Variants in PNKD observed in about 807,000 individuals in gnomAD.
PNKD encodes the protein PNKD metallo-beta-lactamase domain containing.
In PNKD, 36 loss-of-function variants were observed where a neutral mutation model predicts 45.3. The observed-to-expected ratio is 0.80, with a 90% CI of 0.61 to 1.05. The LOEUF is 1.05. Among genes scored for constraint, PNKD ranks in the 50% least tolerant of loss-of-function variants. The pLI is 0.00. For missense variants in PNKD, 511 were observed against 506.6 expected (o/e 1.01, Z -0.08); for synonymous variants, 197 against 210.1 (o/e 0.94, Z 0.54).
intron 2 of PNKD, among the ~76,000 whole-genome samples, chr2:218,290,486 C>G (rs1692862829): frequency 6.6e-6 from 1 of 152,210 alleles, no homozygotes; most frequent in Non-Finnish European, 1.5e-5. Flanking sequence ...GACATGCCCT[C>G]TCACTCTCAG....
chr2:218,323,326 TCG>T, intron 2 of PNKD: 1 of 1,570,992 alleles, frequency 6.4e-7, no homozygotes, highest in South Asian at 1.2e-5. Flanking sequence ...TGGCTCCTCC[TCG>T]TCCTTGTCCT....
intron 2 of PNKD, among the ~76,000 whole-genome samples, chr2:218,279,835 G>A (rs1691686282): frequency 7.6e-6 from 1 of 131,080 alleles, no homozygotes; most frequent in African/African-American, 2.6e-5. Flanking sequence ...CAAGAAGAGA[G>A]GTGCAAAAAG....
chr2:218,323,721 G>A (rs1017186381), intron 2 of PNKD, among the ~76,000 whole-genome samples: 4 of 151,898 alleles, frequency 2.6e-5, no homozygotes, highest in African/African-American at 9.7e-5. Flanking sequence ...GCCACAGAAT[G>A]GGCTGGAGAC....
intron 2 of PNKD, among the ~76,000 whole-genome samples, chr2:218,305,217 A>G (rs1693374977): frequency 6.6e-6 from 1 of 152,120 alleles, no homozygotes; most frequent in South Asian, 2.1e-4. Context: ...CTTCCCACAC[A>G]ACAGAACAAA....
intron 2 of PNKD, chr2:218,272,763 G>T: frequency 6.2e-7 from 1 of 1,614,094 alleles, no homozygotes; most frequent in Non-Finnish European, 8.5e-7. Context: ...GCAGACCTGA[G>T]GAGCGCTGCG....
In PNKD at chr2:218,341,568, C is replaced by A; in HGVS notation, c.559C>A (p.Arg187=). Residue 187 remains arginine, a synonymous_variant, in exon 6 of 10, where the codon CGG becomes AGG. Transcript: ENST00000273077. ...TGGAGGGAACCGTGACCTCAGCCGG[C>A]GGCACCGGGACTGTCGGGTGTACGG... ...HSGGNRDLSR[R]HRDCRVYGSP... 1.2e-6 allele frequency: 2 copies of A among 1,602,600 alleles called. No homozygotes were observed. Among genetic ancestry groups the A allele is most frequent in the Non-Finnish European group, 1.7e-6 (2 of 1,174,818 alleles).
chr2:218,281,921 C>T, intron 2 of PNKD: 1 of 1,569,878 alleles, frequency 6.4e-7, no homozygotes, highest in Non-Finnish European at 8.6e-7. Flanking sequence ...CACCTTCCAT[C>T]TGCCCTTCCA....
At chr2:218,271,314 G>T (rs751871884) in intron 1 of PNKD, 67 bp from the exon 2 acceptor site, 6 of 1,382,422 alleles carry the variant, frequency 4.3e-6, no homozygotes, top group South Asian at 1.2e-5. Context: ...AGCCCTTACT[G>T]CCCCCCACCT....
In PNKD at chr2:218,339,992, G is replaced by A. The variant is rs764054570; in HGVS notation, c.353-37G>A. The A allele has an allele frequency of 3.3e-6, 5 of 1,521,940 alleles. No individual in the cohort carries two copies. In the African/African-American group the frequency reaches 6.9e-5, roughly 21 times the overall value. 94.3% of individuals were successfully genotyped at this position (1,521,940 alleles called of 1,614,324 possible). Reference sequence around the variant, plus strand: ...ACATACCCCAGCCCCTGGGCTCCCTGCCTGTTACCCCGCCCACAGCCCATC... The same window carrying A: ...ACATACCCCAGCCCCTGGGCTCCCTACCTGTTACCCCGCCCACAGCCCATC... On this transcript the variant is annotated intron_variant, in intron 3 of 9. Transcript: ENST00000273077.
intron 2 of PNKD, chr2:218,327,243 C>T (rs760800695): frequency 1.3e-5 from 2 of 152,192 alleles, no homozygotes; most frequent in Non-Finnish European, 2.9e-5. Context: ...CCCTGGCAAC[C>T]CCCCCTGGGA....
At chr2:218,337,871 G>A (rs956817598) in intron 2 of PNKD, among the ~76,000 whole-genome samples, 1 of 152,078 alleles carries the variant, frequency 6.6e-6, no homozygotes, top group African/African-American at 2.4e-5. Flanking sequence ...TTTCAGGGTC[G>A]GGCACGGTGG....
At chr2:218,276,956 T>C in intron 2 of PNKD, 1 of 1,521,162 alleles carries the variant, frequency 6.6e-7, no homozygotes, top group Non-Finnish European at 9.1e-7. Flanking sequence ...ATAGGAAGTC[T>C]GCCCTGAGCA....
chr2:218,333,021 G>A (rs1373470123), intron 2 of PNKD, among the ~76,000 whole-genome samples: 1 of 152,192 alleles, frequency 6.6e-6, no homozygotes, highest in African/African-American at 2.4e-5. Flanking sequence ...GCAGTTTCCA[G>A]CACGAATGTC....
At chr2:218,335,150 C>T (rs1390250866) in intron 2 of PNKD, among the ~76,000 whole-genome samples, 1 of 150,536 alleles carries the variant, frequency 6.6e-6, no homozygotes, top group African/African-American at 2.4e-5. Flanking sequence ...GATCCCATCT[C>T]TTTAAAAAAT....
At chr2:218,275,016 G>C (rs1397704910) in intron 2 of PNKD, 2 of 154,814 alleles carry the variant, frequency 1.3e-5, no homozygotes, top group African/African-American at 4.8e-5. Context: ...CAGGAGGCCG[G>C]GGACAAAGCT....
chr2:218,272,902 G>T, intron 2 of PNKD: 1 of 1,556,758 alleles, frequency 6.4e-7, no homozygotes. Context: ...ACACCAAGGA[G>T]CCAGCCAAAG....
At chr2:218,310,444 G>A (rs183170612) in intron 2 of PNKD, among the ~76,000 whole-genome samples, 5 of 151,088 alleles carry the variant, frequency 3.3e-5, no homozygotes, top group Admixed American at 6.6e-5. Flanking sequence ...GGCTGGTCTC[G>A]AACTCCTGAC....
At chr2:218,327,395 T>C (rs1694184487) in intron 2 of PNKD, among the ~76,000 whole-genome samples, 1 of 152,016 alleles carries the variant, frequency 6.6e-6, no homozygotes, top group Admixed American at 6.6e-5. Context: ...TGAGGCCAGG[T>C]AGATGCAGTG....
At chr2:218,304,496 G>T (rs2106254338) in intron 2 of PNKD, among the ~76,000 whole-genome samples, 1 of 152,260 alleles carries the variant, frequency 6.6e-6, no homozygotes, top group East Asian at 1.9e-4. Flanking sequence ...CCCAGGGGTG[G>T]CGACAGTGTC....
Sources: allele counts gnomAD v4.1 joint callset (sites outside exome capture counted in the v4.1 genomes callset), GRCh38; gene constraint gnomAD v4.1.1; transcripts MANE v1.5; gene names NCBI Gene and HGNC (gene_info 2026-07-23, HGNC 2026-07-21).